RAPGEF4: variants seen among roughly 807,000 people sequenced by gnomAD.
The protein encoded by RAPGEF4 is Rap guanine nucleotide exchange factor 4.
A neutral mutation model predicts 147.9 loss-of-function variants in RAPGEF4; 66 were observed. The observed-to-expected ratio is 0.45, with a 90% CI of 0.37 to 0.55. The LOEUF is 0.55. Ranked by LOEUF, RAPGEF4 falls within the 20% of genes least tolerant of loss-of-function variation. The pLI is 0.00. For synonymous variants in RAPGEF4, 419 were observed against 442.7 expected, an observed-to-expected ratio of 0.95 and a Z score of 0.67; for missense variants, 1,071 against 1,257.3, an observed-to-expected ratio of 0.85 and a Z score of 2.24.
At chr2:172,904,672 A>G (rs1218335143) in intron 4 of RAPGEF4, among the ~76,000 whole-genome samples, 1 of 151,962 alleles carries the variant, frequency 6.6e-6, no homozygotes, top group Non-Finnish European at 1.5e-5. Flanking sequence ...GTTGCAGATC[A>G]TTTCACCTCT....
intron 6 of RAPGEF4, among the ~76,000 whole-genome samples, chr2:172,931,589 C>G (rs1158497170): frequency 2.6e-5 from 4 of 152,114 alleles, no homozygotes; most frequent in Non-Finnish European, 1.5e-5. Flanking sequence ...TAGCCCAATC[C>G]CAAACAAAGT....
chr2:172,925,791 GAGAGAGAA>G (rs1356017929), intron 6 of RAPGEF4, among the ~76,000 whole-genome samples: 22 of 145,076 alleles, frequency 1.5e-4, no homozygotes, highest in South Asian at 4.5e-4. Context: ...GAGAGAGAGA[GAGAGAGAA>G]AGAAAGAAAG....
rs186127775 is a variant in RAPGEF4, at chr2:173,033,801, G to A, written c.2650-113G>A. On this transcript the variant is annotated intron_variant, in intron 26 of 30. Coordinates refer to ENST00000397081, the MANE Select transcript of RAPGEF4 (RefSeq NM_007023.4). Reference sequence around the variant, plus strand: ...AGATTACAGTCTGGCCTGTCTCAGAGATGTTTGATTAAGAGCCAATGGATA... The same window carrying A: ...AGATTACAGTCTGGCCTGTCTCAGAAATGTTTGATTAAGAGCCAATGGATA... The A allele has an allele frequency of 7.5e-6, 7 of 931,814 alleles. No homozygotes were observed. The East Asian group carries it at 1.8e-4, about 24-fold the overall frequency. The allele number at this position is 931,814 out of a possible 1,614,324, so 57.7% of individuals were successfully genotyped here. A position where few individuals can be genotyped will look rare whatever the true frequency, so the allele number is the denominator to read the frequency against.
chr2:172,989,822 C>T (rs1692646119), intron 14 of RAPGEF4, among the ~76,000 whole-genome samples: 1 of 152,130 alleles, frequency 6.6e-6, no homozygotes, highest in African/African-American at 2.4e-5. Context: ...GCAGCCTTAG[C>T]ATCCCTATCC....
At chr2:173,043,365 G>A (rs1236552589) in intron 29 of RAPGEF4, among the ~76,000 whole-genome samples, 1 of 152,204 alleles carries the variant, frequency 6.6e-6, no homozygotes, top group Non-Finnish European at 1.5e-5. Flanking sequence ...CAGGCATTTA[G>A]AAGAGGCCTG....
chr2:172,937,201 G>C (rs753165555), intron 6 of RAPGEF4, among the ~76,000 whole-genome samples: 7 of 151,842 alleles, frequency 4.6e-5, no homozygotes, highest in Non-Finnish European at 8.8e-5. Context: ...AGCCTGGGCA[G>C]CAGAGCAAGA....
intron 4 of RAPGEF4, among the ~76,000 whole-genome samples, chr2:172,817,348 G>T (rs568406568): frequency 3.2e-4 from 49 of 152,230 alleles, no homozygotes; most frequent in African/African-American, 1.1e-3. Context: ...CATATATAGC[G>T]CTAATCTGCT....
intron 27 of RAPGEF4, 125 bp downstream of exon 27, chr2:173,034,089 C>A (rs762620902): frequency 1.2e-6 from 1 of 846,136 alleles, no homozygotes; most frequent in Non-Finnish European, 1.8e-6. Context: ...AGTTTATGAT[C>A]CCTTTTAGTG....
intron 4 of RAPGEF4, among the ~76,000 whole-genome samples, chr2:172,852,190 A>G (rs570403400): frequency 2.8e-4 from 43 of 152,256 alleles, no homozygotes; most frequent in African/African-American, 1.0e-3. Context: ...TCATCTTTCT[A>G]TTTTAGGAAT....
chr2:172,958,928 T>C (rs575744107), intron 6 of RAPGEF4, among the ~76,000 whole-genome samples: 4 of 152,358 alleles, frequency 2.6e-5, no homozygotes, highest in African/African-American at 9.6e-5. Flanking sequence ...GGTATATATT[T>C]ATGCATGTAT....
At chr2:173,047,833 C>G (rs1045573066) in intron 29 of RAPGEF4, among the ~76,000 whole-genome samples, 2 of 152,060 alleles carry the variant, frequency 1.3e-5, no homozygotes, top group African/African-American at 4.8e-5. Flanking sequence ...CCTGCCACCA[C>G]GCCCGGCTAA....
chr2:172,756,143 C>A (rs2149453908), intron 1 of RAPGEF4, among the ~76,000 whole-genome samples: 1 of 152,328 alleles, frequency 6.6e-6, no homozygotes, highest in South Asian at 2.1e-4. Flanking sequence ...CTGCTCATAA[C>A]TGATTAAGGT....
At chr2:172,768,111 C>T (rs184836552) in intron 1 of RAPGEF4, among the ~76,000 whole-genome samples, 2 of 152,258 alleles carry the variant, frequency 1.3e-5, no homozygotes, top group Non-Finnish European at 2.9e-5. Flanking sequence ...CGCGCCTGGC[C>T]TGATTCATGT....
chr2:172,770,466 A>T (rs1056959194), intron 1 of RAPGEF4, among the ~76,000 whole-genome samples: 1 of 152,236 alleles, frequency 6.6e-6, no homozygotes, highest in Non-Finnish European at 1.5e-5. Context: ...ATATATGTAA[A>T]GTGAGTACAT....
intron 27 of RAPGEF4, 57 bp downstream of exon 27, chr2:173,034,021 T>C: frequency 6.6e-7 from 1 of 1,507,864 alleles, no homozygotes; most frequent in Admixed American, 2.1e-5. Flanking sequence ...CAATTTCTGA[T>C]TAGCTGAATT....
chr2:172,842,524 G>A (rs999651869), intron 4 of RAPGEF4, among the ~76,000 whole-genome samples: 2 of 152,204 alleles, frequency 1.3e-5, no homozygotes, highest in African/African-American at 2.4e-5. Flanking sequence ...CATCACCTGG[G>A]GCAACACACA....
At chr2:172,761,061 C>A (rs985067506) in intron 1 of RAPGEF4, among the ~76,000 whole-genome samples, 1 of 149,232 alleles carries the variant, frequency 6.7e-6, no homozygotes, top group Non-Finnish European at 1.5e-5. Flanking sequence ...CTCTTCTCAT[C>A]AGAATCCATG....
intron 1 of RAPGEF4, among the ~76,000 whole-genome samples, chr2:172,747,987 T>C (rs1049317981): frequency 1.3e-5 from 2 of 152,262 alleles, no homozygotes; most frequent in Non-Finnish European, 2.9e-5. Context: ...TTGTCACAAA[T>C]ACCAAGGTTT....
intron 6 of RAPGEF4, among the ~76,000 whole-genome samples, chr2:172,947,437 A>G (rs1357354842): frequency 1.3e-5 from 2 of 152,192 alleles, no homozygotes; most frequent in Non-Finnish European, 2.9e-5. Flanking sequence ...TGAAGGAATG[A>G]ATATTACTAA....
Sources: allele counts gnomAD v4.1 joint callset (sites outside exome capture counted in the v4.1 genomes callset), GRCh38; gene constraint gnomAD v4.1.1; transcripts MANE v1.5; gene names NCBI Gene and HGNC (gene_info 2026-07-23, HGNC 2026-07-21).